ADAMTSL1: variants seen among roughly 807,000 people sequenced by gnomAD.
The protein encoded by ADAMTSL1 is ADAMTS like 1.
Under a neutral mutation model 201.8 loss-of-function variants are expected in ADAMTSL1, and 126 were observed. That is an observed-to-expected ratio of 0.62 (90% CI 0.54 to 0.72). ADAMTSL1 has a LOEUF of 0.72. Among genes scored for constraint, ADAMTSL1 ranks in the 30% least tolerant of loss-of-function variants. The pLI is 0.00. For missense variants in ADAMTSL1, 2,679 were observed against 2,277.8 expected (o/e 1.18, Z -3.59); for synonymous variants, 1,121 against 903.4 (o/e 1.24, Z -4.32).
chr9:18,902,040 A>AAAAG (rs1227734164), intron 26 of ADAMTSL1, among the ~76,000 whole-genome samples: 16 of 152,376 alleles, frequency 1.1e-4, no homozygotes, highest in South Asian at 8.3e-4. Context: ...ATACAGTGAT[A>AAAAG]AAAGGGTCAA....
chr9:18,280,938 T>C (rs1040952622), intron 2 of ADAMTSL1, among the ~76,000 whole-genome samples: 1 of 148,698 alleles, frequency 6.7e-6, no homozygotes, highest in African/African-American at 2.5e-5. Context: ...TGCGGTGGCA[T>C]GATCATAGCT....
intron 15 of ADAMTSL1, among the ~76,000 whole-genome samples, chr9:18,732,201 T>G (rs2133487331): frequency 6.6e-6 from 1 of 152,284 alleles, no homozygotes; most frequent in East Asian, 1.9e-4. Context: ...TCATAATAAT[T>G]TTATACTCAC....
At position 18,699,320 on chromosome 9, in the gene ADAMTSL1, CTT is replaced by C. The variant is rs34869167; in HGVS notation, c.1575-7408_1575-7407del. On this transcript the variant is annotated intron_variant, in intron 13 of 28. Transcript: ENST00000380548. ...TCCATGTGTTTTGCTGGGTTTTTTACTTTTTTTTTTTTTTTTTTTTGAGAGAC... is the reference window on the plus strand; with the variant it reads ...TCCATGTGTTTTGCTGGGTTTTTTACTTTTTTTTTTTTTTTTTTGAGAGAC... Among the ~76,000 whole-genome samples the C allele has an allele frequency of 7.7e-3, 924 of 120,230 alleles. 14 individuals are homozygous for C. Among genetic ancestry groups the C allele is most frequent in the African/African-American group, 0.026 (841 of 32,212 alleles). The allele number at this position is 120,230 out of a possible 152,430, so 78.9% of individuals were successfully genotyped here. A position where few individuals can be genotyped will look rare whatever the true frequency, so the allele number is the denominator to read the frequency against.
chr9:18,775,221 T>C (rs75987080), intron 17 of ADAMTSL1, among the ~76,000 whole-genome samples: 6,489 of 152,306 alleles, frequency 0.043, 191 homozygotes, highest in Non-Finnish European at 0.062. Context: ...GCACATCTTT[T>C]CTTCTTAACA....
chr9:18,260,445 C>G (rs978932174), intron 2 of ADAMTSL1, among the ~76,000 whole-genome samples: 1 of 152,238 alleles, frequency 6.6e-6, no homozygotes, highest in Non-Finnish European at 1.5e-5. Context: ...ATATGGCACC[C>G]AGCAGGGAGA....
intron 2 of ADAMTSL1, among the ~76,000 whole-genome samples, chr9:18,411,933 C>G (rs925929368): frequency 6.6e-6 from 1 of 152,144 alleles, no homozygotes; most frequent in Non-Finnish European, 1.5e-5. Context: ...TTTGTCCTCT[C>G]CACATCATTA....
At chr9:18,266,042 A>C (rs931086678) in intron 2 of ADAMTSL1, among the ~76,000 whole-genome samples, 2 of 152,276 alleles carry the variant, frequency 1.3e-5, no homozygotes, top group East Asian at 3.9e-4. Context: ...AAATAATTTA[A>C]GAACTTTTTA....
At chr9:18,208,992 T>G (rs764023062) in intron 2 of ADAMTSL1, among the ~76,000 whole-genome samples, 77 of 152,302 alleles carry the variant, frequency 5.1e-4, no homozygotes, top group Middle Eastern at 3.4e-3. Flanking sequence ...GTTTTATGAA[T>G]ATGCTCAAAG....
At chr9:18,140,836 A>T (rs1199648866) in intron 1 of ADAMTSL1, among the ~76,000 whole-genome samples, 1 of 152,190 alleles carries the variant, frequency 6.6e-6, no homozygotes, top group African/African-American at 2.4e-5. Flanking sequence ...GAAAGCAGTA[A>T]TGGAAATAAA....
intron 1 of ADAMTSL1, among the ~76,000 whole-genome samples, chr9:17,980,317 C>T (rs1818635055): frequency 6.6e-6 from 1 of 151,992 alleles, no homozygotes; most frequent in Non-Finnish European, 1.5e-5. Context: ...GCTGACATTA[C>T]CCCCCACCAC....
At chr9:18,422,791 C>G (rs746526171) in intron 2 of ADAMTSL1, among the ~76,000 whole-genome samples, 9 of 152,162 alleles carry the variant, frequency 5.9e-5, no homozygotes, top group Non-Finnish European at 1.2e-4. Flanking sequence ...CTCATATAAT[C>G]CAGTAACTGG....
intron 2 of ADAMTSL1, among the ~76,000 whole-genome samples, chr9:18,424,475 A>G (rs1002640276): frequency 6.6e-6 from 1 of 152,200 alleles, no homozygotes; most frequent in Non-Finnish European, 1.5e-5. Flanking sequence ...TAACATAATA[A>G]GTGCACAAAA....
intron 23 of ADAMTSL1, among the ~76,000 whole-genome samples, chr9:18,869,724 T>A (rs1172364253): frequency 6.6e-6 from 1 of 152,200 alleles, no homozygotes; most frequent in Non-Finnish European, 1.5e-5. Context: ...TCTAGCTTTT[T>A]TTCTGTCCTG....
intron 9 of ADAMTSL1, among the ~76,000 whole-genome samples, chr9:18,675,566 G>A (rs1309685117): frequency 6.6e-6 from 1 of 152,100 alleles, no homozygotes; most frequent in African/African-American, 2.4e-5. Context: ...ATCTTATGGT[G>A]TCATAGTTAA....
intron 13 of ADAMTSL1, among the ~76,000 whole-genome samples, chr9:18,702,900 T>C (rs1284704531): frequency 6.6e-6 from 1 of 152,070 alleles, no homozygotes; most frequent in Non-Finnish European, 1.5e-5. Context: ...GTAGCTGGGA[T>C]TACAGGTGCC....
chr9:18,022,255 G>A (rs955799993), intron 1 of ADAMTSL1, among the ~76,000 whole-genome samples: 1 of 152,150 alleles, frequency 6.6e-6, no homozygotes, highest in African/African-American at 2.4e-5. Flanking sequence ...AGTACCTCAT[G>A]TTGACCTTAG....
chr9:17,980,621 T>A (rs1376310161), intron 1 of ADAMTSL1, among the ~76,000 whole-genome samples: 1 of 151,958 alleles, frequency 6.6e-6, no homozygotes, highest in Non-Finnish European at 1.5e-5. Flanking sequence ...GTGGGGTTTT[T>A]GGGGGGCAAT....
chr9:18,889,473 C>A, intron 24 of ADAMTSL1, 95 bp from the exon 25 acceptor site: 1 of 1,362,368 alleles, frequency 7.3e-7, no homozygotes. Flanking sequence ...CACAAATCCA[C>A]CCCTGTCACC....
At chr9:18,660,655 G>A (rs1829029675) in intron 8 of ADAMTSL1, among the ~76,000 whole-genome samples, 1 of 152,138 alleles carries the variant, frequency 6.6e-6, no homozygotes, top group Admixed American at 6.5e-5. Context: ...TTAGAGTACA[G>A]TGTAATTGAA....
Sources: allele counts gnomAD v4.1 joint callset (sites outside exome capture counted in the v4.1 genomes callset), GRCh38; gene constraint gnomAD v4.1.1; transcripts MANE v1.5; gene names NCBI Gene and HGNC (gene_info 2026-07-23, HGNC 2026-07-21).